The following XRCC3 variants were observed in gnomAD, a reference collection of about 807,000 sequenced individuals.
The protein encoded by XRCC3 is X-ray repair cross complementing 3, also known as DNA repair protein XRCC3.
A neutral mutation model predicts 29.2 loss-of-function variants in XRCC3; 34 were observed. That is an observed-to-expected ratio of 1.16 (90% CI 0.88 to 1.55). XRCC3 has a LOEUF of 1.55. Among genes scored for constraint, XRCC3 ranks in the 40% most tolerant of loss-of-function variants. The pLI is 0.00. For missense variants in XRCC3, 463 were observed against 467.6 expected (o/e 0.99, Z 0.09); for synonymous variants, 223 against 211.3 (o/e 1.06, Z -0.48).
intron 4 of XRCC3, chr14:103,709,127 G>A (rs565682302): frequency 8.6e-5 from 26 of 303,174 alleles, no homozygotes; most frequent in Non-Finnish European, 1.4e-4. Context: ...CCTGGGGAGG[G>A]GAGCGCTGGG....
rs754035692 is a variant in XRCC3 at position 103,703,228 on chromosome 14, A to G, written c.506T>C (p.Leu169Pro). 8 of 1,567,538 alleles carry G rather than the reference A, an allele frequency of 5.1e-6. No individual in the cohort carries two copies. The East Asian group carries it at 1.9e-4, about 37-fold the overall frequency. ...PRLRTDVPGELLQKLRFGSQI... is the reference protein window; with the variant it reads ...PRLRTDVPGEPLQKLRFGSQI... ...GCTGCCAAATCGGAGCTTCTGAAGC[A>G]GCTCTCCTGGAACGTCAGTGCGCAG... is the stretch of plus-strand genomic sequence containing the variant. Residue 169 changes from leucine to proline, a missense_variant, in exon 7 of 10, where the codon CTG becomes CCG. By Grantham distance (98) the Leu-to-Pro change is moderately conservative (BLOSUM62 -3). Coordinates refer to ENST00000555055, the MANE Select transcript of XRCC3 (RefSeq NM_005432.4).
chr14:103,700,440 A>G, intron 7 of XRCC3: 1 of 469,580 alleles, frequency 2.1e-6, no homozygotes, highest in Non-Finnish European at 3.7e-6. Flanking sequence ...GTGATGGGGG[A>G]GGGTGACACA....
chr14:103,715,249 G>A (rs1465556504), intron 1 of XRCC3, among the ~76,000 whole-genome samples, 175 bp downstream of exon 1: 1 of 152,012 alleles, frequency 6.6e-6, no homozygotes, highest in East Asian at 1.9e-4. Context: ...GGCTCCCGGG[G>A]TGAGTGCTGC....
chr14:103,708,407 A>G, intron 5 of XRCC3, 115 bp downstream of exon 5: 1 of 1,483,074 alleles, frequency 6.7e-7, no homozygotes, highest in South Asian at 1.2e-5. Context: ...AGCAGCTGCC[A>G]CACGCCCTGA....
chr14:103,702,104 T>A (rs1348732488), intron 7 of XRCC3: 1 of 152,342 alleles, frequency 6.6e-6, no homozygotes, highest in Non-Finnish European at 1.5e-5. Context: ...CACTGACAGC[T>A]CACAGCACTG....
At chr14:103,711,268 T>G (rs2083616286) in intron 3 of XRCC3, 23 bp from the exon 4 acceptor site, 1 of 700,260 alleles carries the variant, frequency 1.4e-6, no homozygotes, top group Non-Finnish European at 2.6e-6. Flanking sequence ...GAGACTTCAC[T>G]GTAGAGGGAA....
At position 103,702,666 on chromosome 14, in the gene XRCC3, A is replaced by C. The variant is rs2083271278; in HGVS notation, c.561+507T>G. The C allele has an allele frequency of 7.0e-5, 13 of 185,110 alleles. No individual in the cohort carries two copies. In the South Asian group the frequency reaches 1.5e-3, roughly 22 times the overall value. The allele number at this position is 185,110 out of a possible 1,614,324, so 11.5% of individuals were successfully genotyped here. A position where few individuals can be genotyped will look rare whatever the true frequency, so the allele number is the denominator to read the frequency against. On this transcript the variant is annotated intron_variant, in intron 7 of 9. Transcript: ENST00000555055. ...CGCTTCAAAGCTGCCTGAGATTCAG[A>C]TGTAACTGGGTGTCGCAGCCTGCCG...
intron 6 of XRCC3, chr14:103,706,355 C>G (rs1410043116): frequency 2.2e-6 from 1 of 455,938 alleles, no homozygotes; most frequent in Non-Finnish European, 4.4e-6. Flanking sequence ...GAGGTGCCAC[C>G]GATGAAAAAA....
Position 103,699,161 on chromosome 14 carries a change from C to T in XRCC3, c.793G>A (p.Glu265Lys), listed in dbSNP as rs1479315471. Residue 265 changes from glutamate (E) to lysine (K), a missense_variant, in exon 9 of 10, where the codon GAG becomes AAG. Glu to Lys is a moderately conservative substitution (Grantham distance 56). Coordinates refer to ENST00000555055, the MANE Select transcript of XRCC3 (RefSeq NM_005432.4). ...CINQVTEAME[E>K]QGAAHGPLGF... The stretch of plus-strand genomic sequence containing the variant: ...AGCGGCCCGTGTGCTGCGCCCTGCT[C>T]CTCCATGGCCTCTGTCACCTGGAAG... 9.6e-6 allele frequency: 15 copies of T among 1,568,296 alleles called. No homozygotes were observed. Among genetic ancestry groups the T allele is most frequent in the Non-Finnish European group, 1.3e-5 (15 of 1,159,898 alleles).
chr14:103,706,077 C>A lies in XRCC3; in HGVS notation c.406+926G>T, dbSNP rs769260099. ...CAAAAATGCCTGTGGCGTGAGCAGA[C>A]CCCAGCTGGGCTCTCAGGAGACCCC... On this transcript the variant is annotated intron_variant, in intron 6 of 9. Transcript: ENST00000555055. The A allele has an allele frequency of 8.4e-5, 28 of 333,904 alleles. No homozygotes were observed. In the Middle Eastern group the frequency reaches 5.7e-3, roughly 68 times the overall value. 20.7% of individuals were successfully genotyped at this position (333,904 alleles called of 1,614,324 possible).
intron 5 of XRCC3, 87 bp from the exon 6 acceptor site, chr14:103,707,302 T>A (rs2083469580): frequency 6.7e-7 from 1 of 1,486,214 alleles, no homozygotes; most frequent in African/African-American, 1.4e-5. Context: ...AGCCTGCCTG[T>A]GCCAGGTGCA....
chr14:103,703,709 G>A (rs1248258582), intron 6 of XRCC3: 4 of 312,486 alleles, frequency 1.3e-5, no homozygotes, highest in East Asian at 1.6e-4. Context: ...TCAGGGCAAC[G>A]CCTTCTGGAA....
At chr14:103,701,725 T>C (rs2083206399) in intron 7 of XRCC3, 1 of 152,234 alleles carries the variant, frequency 6.6e-6, no homozygotes, top group South Asian at 2.1e-4. Context: ...ATACAAAGAA[T>C]TAGCTGGGCG....
rs759919423 is a variant in XRCC3 at position 103,699,497 on chromosome 14, G to A, written c.641C>T (p.Ser214Leu). Residue 214 changes from serine to leucine, a missense_variant, in exon 8 of 10, where the codon TCG becomes TTG. Coordinates refer to ENST00000555055, the MANE Select transcript of XRCC3 (RefSeq NM_005432.4). ...RGMARLVVID[S>L]VAAPFRCEFD... The stretch of plus-strand genomic sequence containing the variant: ...TTCACAGCGGAATGGGGCTGCCACC[G>A]AGTCGATGACCACCAGGCGAGCCAT... The A allele has an allele frequency of 1.9e-5, 30 of 1,612,768 alleles. No homozygotes were observed. Among genetic ancestry groups the A allele is most frequent in the Middle Eastern group, 1.6e-4 (1 of 6,084 alleles).
At chr14:103,699,106 G>A (rs745370909) in intron 9 of XRCC3, 27 bp downstream of exon 9, 2 of 1,569,900 alleles carry the variant, frequency 1.3e-6, no homozygotes, top group South Asian at 2.3e-5. Flanking sequence ...CTGCACAGAG[G>A]TGCACACACC....
chr14:103,708,822 GAC>G, intron 4 of XRCC3, 163 bp from the exon 5 acceptor site: 1 of 908,230 alleles, frequency 1.1e-6, no homozygotes, highest in South Asian at 1.4e-5. Flanking sequence ...GGAAACCCTG[GAC>G]ACAGTGTGGC....
In XRCC3 at chr14:103,708,525, T is replaced by C; in HGVS notation, c.190A>G (p.Thr64Ala). The change falls in exon 5 of 10, where the codon ACA becomes GCA. Residue 64 changes from threonine (T) to alanine (A), a missense_variant. Transcript: ENST00000555055. The part of the protein sequence containing the change: ...SLHLRGSSIL[T>A]ALQLHQQKER... ...AGAGATGCCAGGGCCCACCTACCTG[T>C]AAGGATGCTGCTTCCCCGCAAGTGT... 2 of 1,613,810 alleles carry C rather than the reference T, an allele frequency of 1.2e-6. No individual in the cohort carries two copies. Among genetic ancestry groups the C allele is most frequent in the Non-Finnish European group, 1.7e-6 (2 of 1,179,958 alleles).
In XRCC3 at chr14:103,703,339, G is replaced by T. The variant is rs1271275394; in HGVS notation, c.407-12C>A. 1 of 1,544,340 alleles carries T rather than the reference G, an allele frequency of 6.5e-7. No individual in the cohort carries two copies. Among genetic ancestry groups the T allele is most frequent in the South Asian group, 1.2e-5 (1 of 84,318 alleles). Reference sequence around the variant, plus strand: ...GATGTAGACGGCTCCTGGGAAGCAAGAGTGCCTGATGTGCCCAGGGGACTC... The same window carrying T: ...GATGTAGACGGCTCCTGGGAAGCAATAGTGCCTGATGTGCCCAGGGGACTC... On this transcript the variant is annotated splice_polypyrimidine_tract_variant and intron_variant, in intron 6 of 9. Transcript: ENST00000555055.
At chr14:103,711,371 G>GA (rs1414374600) in intron 3 of XRCC3, 95 bp downstream of exon 3, 1 of 631,848 alleles carries the variant, frequency 1.6e-6, no homozygotes, top group Non-Finnish European at 2.9e-6. Flanking sequence ...TGATGCATTT[G>GA]AAAAACCCCC....
Sources: gnomAD v4.1 joint callset for allele counts (sites outside exome capture counted in the v4.1 genomes callset) on GRCh38, gnomAD v4.1.1 for gene constraint, MANE v1.5 for transcripts, NCBI Gene and HGNC (gene_info 2026-07-23, HGNC 2026-07-21) for gene names.